The following MRTFB variants were observed in gnomAD, a reference collection of about 807,000 sequenced individuals.
MRTFB encodes myocardin related transcription factor B.
A neutral mutation model predicts 104.2 loss-of-function variants in MRTFB; 29 were observed. The observed-to-expected ratio is 0.28, with a 90% CI of 0.21 to 0.38. The LOEUF is 0.38. Ranked by LOEUF, MRTFB falls within the 10% of genes least tolerant of loss-of-function variation. The pLI is 1.00. For synonymous variants in MRTFB, 535 were observed against 519.5 expected (o/e 1.03, Z -0.41); for missense variants, 1,270 against 1,341.6 (o/e 0.95, Z 0.83).
chr16:14,091,341 G>C lies in MRTFB; in HGVS notation c.-64+11987G>C, dbSNP rs150094780. Among the ~76,000 whole-genome samples the C allele has an allele frequency of 1.8e-3, 275 of 152,256 alleles. 2 individuals carry two copies. Among genetic ancestry groups the C allele is most frequent in the Non-Finnish European group, 9.3e-4 (63 of 68,012 alleles). On this transcript the variant is annotated intron_variant, in intron 2 of 16. Transcript: ENST00000571589. ...AGCTAATTGGAAGATTCCTAGAGAA[G>C]GTTGCAAAAGGAATGAAATGCTGCA...
At chr16:14,031,373 G>A in the MRTFB span, among the ~76,000 whole-genome samples, 12 of 148,598 alleles carry the variant, frequency 8.1e-5, no homozygotes, top group East Asian at 6.0e-4. Context: ...CAGCCTGGGC[G>A]ACAGAGTGAG....
At chr16:14,121,804 C>T (rs1307030345) in intron 2 of MRTFB, among the ~76,000 whole-genome samples, 2 of 152,126 alleles carry the variant, frequency 1.3e-5, no homozygotes, top group Non-Finnish European at 2.9e-5. Context: ...CTATTTTGTA[C>T]CATCAGTGTA....
chr16:14,218,787 A>T, intron 7 of MRTFB, 33 bp from the exon 8 acceptor site: 1 of 1,565,030 alleles, frequency 6.4e-7, no homozygotes, highest in South Asian at 1.2e-5. Context: ...CAAAGCCAAC[A>T]TAAGTCAAGT....
At position 14,116,086 on chromosome 16, in the gene MRTFB, G is replaced by A. The variant is rs118128869; in HGVS notation, c.-63-24458G>A. On this transcript the variant is annotated intron_variant, in intron 2 of 16. Transcript: ENST00000571589. Reference sequence around the variant, plus strand: ...TCTTACTGCTCTACAGATGGGGCACGCATTTCTTAATCCATCATTCAAAAC... The same window carrying A: ...TCTTACTGCTCTACAGATGGGGCACACATTTCTTAATCCATCATTCAAAAC... Among the ~76,000 whole-genome samples the A allele has an allele frequency of 6.6e-3, 1,010 of 152,166 alleles. 21 individuals are homozygous for A. The highest frequency in any genetic ancestry group is 0.057 in the East Asian group (294 of 5,180).
At chr16:14,124,526 G>T (rs2037011199) in intron 2 of MRTFB, among the ~76,000 whole-genome samples, 2 of 152,164 alleles carry the variant, frequency 1.3e-5, no homozygotes, top group South Asian at 2.1e-4. Context: ...AGATAATCAT[G>T]TGGTTTTTGT....
intron 3 of MRTFB, among the ~76,000 whole-genome samples, chr16:14,209,457 G>C (rs1241039394): frequency 6.6e-6 from 1 of 152,120 alleles, no homozygotes; most frequent in African/African-American, 2.4e-5. Flanking sequence ...GTCACCTCCT[G>C]TATTCCCCTT....
At chr16:14,194,833 C>T (rs887746933) in intron 3 of MRTFB, among the ~76,000 whole-genome samples, 1 of 151,590 alleles carries the variant, frequency 6.6e-6, no homozygotes, top group Non-Finnish European at 1.5e-5. Context: ...TATTGGTACC[C>T]GCCATGTAGG....
intron 3 of MRTFB, among the ~76,000 whole-genome samples, chr16:14,183,326 TAAGTG>T (rs1438466232): frequency 6.6e-6 from 1 of 152,110 alleles, no homozygotes; most frequent in African/African-American, 2.4e-5. Flanking sequence ...CAAGGAAAGA[TAAGTG>T]AAGAAAGACT....
intron 3 of MRTFB, among the ~76,000 whole-genome samples, chr16:14,191,204 G>C (rs576458825): frequency 2.0e-5 from 3 of 152,266 alleles, no homozygotes; most frequent in East Asian, 1.9e-4. Context: ...TAAAAATTCA[G>C]CTCCTCAGTC....
At chr16:14,130,858 C>G (rs1202763252) in intron 2 of MRTFB, among the ~76,000 whole-genome samples, 3 of 152,052 alleles carry the variant, frequency 2.0e-5, no homozygotes, top group Non-Finnish European at 4.4e-5. Context: ...GAACAATGAG[C>G]AAAGAGGGAA....
intron 3 of MRTFB, among the ~76,000 whole-genome samples, chr16:14,156,984 C>A (rs922046392): frequency 5.3e-5 from 8 of 152,146 alleles, no homozygotes; most frequent in Non-Finnish European, 1.0e-4. Flanking sequence ...CTCCCCACTC[C>A]CCCATGCAAA....
intron 2 of MRTFB, among the ~76,000 whole-genome samples, chr16:14,098,298 A>G (rs2035506923): frequency 6.6e-6 from 1 of 152,138 alleles, no homozygotes; most frequent in Admixed American, 6.5e-5. Context: ...GAAGTAGCTC[A>G]TCGTGGTTTT....
At chr16:14,165,011 G>A (rs1005676958) in intron 3 of MRTFB, among the ~76,000 whole-genome samples, 1 of 151,412 alleles carries the variant, frequency 6.6e-6, no homozygotes, top group Non-Finnish European at 1.5e-5. Flanking sequence ...TCAGGTTTCA[G>A]ATTTAAGATT....
At chr16:14,088,226 G>A (rs550453285) in intron 2 of MRTFB, among the ~76,000 whole-genome samples, 14 of 152,220 alleles carry the variant, frequency 9.2e-5, no homozygotes, top group Middle Eastern at 6.8e-3. Flanking sequence ...TTTTATGGTG[G>A]GAATGTACAT....
intron 8 of MRTFB, among the ~76,000 whole-genome samples, chr16:14,231,547 C>T (rs1218861581): frequency 6.6e-6 from 1 of 152,146 alleles, no homozygotes; most frequent in African/African-American, 2.4e-5. Context: ...CATCCTCTAC[C>T]CTCAAGTAGG....
chr16:14,257,661 G>GTATATT (rs2043558050), intron 15 of MRTFB, among the ~76,000 whole-genome samples: 1 of 152,114 alleles, frequency 6.6e-6, no homozygotes, highest in Non-Finnish European at 1.5e-5. Context: ...GGTTTCATGG[G>GTATATT]TATATTTATA....
Position 14,234,250 on chromosome 16 carries a change from G to C in MRTFB, c.798G>C (p.Val266=). Residue 266 remains valine, a synonymous_variant, in exon 9 of 17, where the codon GTG becomes GTC. Transcript: ENST00000571589. ...CTCCTGTCCTCCCCACAAACACTGT[G>C]TCCTCAGCAAAGCCTGGCCCAGCAC... ...PAAPVLPTNT[V]SSAKPGPALV... The C allele has an allele frequency of 1.2e-6, 2 of 1,614,104 alleles. No individual in the cohort carries two copies. Among genetic ancestry groups the C allele is most frequent in the Non-Finnish European group, 1.7e-6 (2 of 1,180,020 alleles).
the MRTFB span, among the ~76,000 whole-genome samples, chr16:14,021,473 C>T: frequency 2.6e-5 from 4 of 152,144 alleles, no homozygotes; most frequent in African/African-American, 9.7e-5. Context: ...TGTTTGGTTA[C>T]ATGAGTAAGT....
At position 14,210,437 on chromosome 16, in the gene MRTFB, C is replaced by G. The variant is rs117806777; in HGVS notation, c.220+129C>G. On this transcript the variant is annotated intron_variant, in intron 4 of 16. Coordinates refer to ENST00000571589, the MANE Select transcript of MRTFB (RefSeq NM_001308142.2). ...CAACAAACAATTACCAAATGAATTT[C>G]CAAGGAAAAATCAGGCACCTAAGTG... 1.1e-3 allele frequency: 718 copies of G among 673,732 alleles called. 12 individuals are homozygous for G. The East Asian group carries it at 0.02, about 19-fold the overall frequency. 41.7% of individuals were successfully genotyped at this position (673,732 alleles called of 1,614,324 possible).
Sources: allele counts gnomAD v4.1 joint callset (sites outside exome capture counted in the v4.1 genomes callset), GRCh38; gene constraint gnomAD v4.1.1; transcripts MANE v1.5; gene names NCBI Gene and HGNC (gene_info 2026-07-23, HGNC 2026-07-21).